The following TOMM20L variants were observed in gnomAD, a reference collection of about 807,000 sequenced individuals.
The protein encoded by TOMM20L is translocase of outer mitochondrial membrane 20 like.
Under a neutral mutation model 20.4 loss-of-function variants are expected in TOMM20L, and 19 were observed. The ratio of observed to expected loss-of-function variants is 0.93; its 90% CI spans 0.65 to 1.36. TOMM20L has a LOEUF of 1.36. TOMM20L is among the 40% of genes most tolerant of loss of function. TOMM20L has a pLI of 0.00. For missense variants in TOMM20L, 218 were observed against 203.7 expected (o/e 1.07, Z -0.43); for synonymous variants, 75 against 79.6 (o/e 0.94, Z 0.30).
intron 3 of TOMM20L, 60 bp from the exon 4 acceptor site, chr14:58,407,266 G>A: frequency 6.7e-7 from 1 of 1,498,330 alleles, no homozygotes; most frequent in South Asian, 1.3e-5. Flanking sequence ...TCTTGGATTT[G>A]TAGAATGTCT....
At chr14:58,396,861 A>C (rs1429609737) in intron 2 of TOMM20L, among the ~76,000 whole-genome samples, 1 of 152,226 alleles carries the variant, frequency 6.6e-6, no homozygotes, top group African/African-American at 2.4e-5. Context: ...TTGGGAGGCA[A>C]GGCGGGCAGA....
intron 4 of TOMM20L, 24 bp from the exon 5 acceptor site, chr14:58,408,505 G>A (rs376331147): frequency 1.1e-4 from 171 of 1,607,196 alleles, no homozygotes; most frequent in Non-Finnish European, 1.4e-4. Flanking sequence ...TGATTAGCAA[G>A]TAACTATTTT....
chr14:58,415,290 T>A, the TOMM20L span, among the ~76,000 whole-genome samples: 11 of 152,276 alleles, frequency 7.2e-5, no homozygotes, highest in South Asian at 8.3e-4. Flanking sequence ...TAACATGATA[T>A]GCAAGATGTC....
chr14:58,400,714 C>G (rs1328353341), intron 2 of TOMM20L, among the ~76,000 whole-genome samples: 1 of 151,948 alleles, frequency 6.6e-6, no homozygotes, highest in Non-Finnish European at 1.5e-5. Context: ...CCCGTCTCTA[C>G]TAAAAATACA....
chr14:58,407,223 G>A lies in TOMM20L; in HGVS notation c.263-103G>A, dbSNP rs2036073228. ...AGACTTGTCTAAGTAGTCTTTAGTTGGATATGCTTTTAATTTTTAATGCTT... is the reference window on the plus strand; with the variant it reads ...AGACTTGTCTAAGTAGTCTTTAGTTAGATATGCTTTTAATTTTTAATGCTT... On this transcript the variant is annotated intron_variant, in intron 3 of 4. Transcript: ENST00000360945. The A allele has an allele frequency of 5.3e-6, 6 of 1,132,556 alleles. No homozygotes were observed. In the Admixed American group the frequency reaches 1.2e-4, roughly 23 times the overall value. 70.2% of individuals were successfully genotyped at this position (1,132,556 alleles called of 1,614,324 possible). A position where few individuals can be genotyped will look rare whatever the true frequency, so the allele number is the denominator to read the frequency against.
At position 58,407,397 on chromosome 14, in the gene TOMM20L, A is replaced by G. The variant is rs1325441076; in HGVS notation, c.334A>G (p.Lys112Glu). The G allele has an allele frequency of 2.5e-6, 4 of 1,613,712 alleles. No individual in the cohort carries two copies. The highest frequency in any genetic ancestry group is 3.4e-6 in the Non-Finnish European group (4 of 1,179,892). The change falls in exon 4 of 5, where the codon AAA becomes GAA. Residue 112 changes from lysine to glutamate, a missense_variant. Transcript: ENST00000360945. ...LVCEQPRELL[K>E]VFKHTLPPKV... ...GTGCGAGCAACCACGGGAACTTCTG[A>G]AAGTTTTCAAACACACTCTCCCTCC...
At chr14:58,399,165 A>G (rs1192029655) in intron 2 of TOMM20L, among the ~76,000 whole-genome samples, 1 of 152,192 alleles carries the variant, frequency 6.6e-6, no homozygotes, top group African/African-American at 2.4e-5. Flanking sequence ...GGATTACACG[A>G]GGGAGCCACT....
intron 2 of TOMM20L, among the ~76,000 whole-genome samples, chr14:58,399,929 T>TATATATATA (rs2035972935): frequency 4.6e-5 from 6 of 131,868 alleles, no homozygotes; most frequent in Admixed American, 7.7e-5. Context: ...TATATATATA[T>TATATATATA]TCCACTTGTC....
the TOMM20L span, among the ~76,000 whole-genome samples, chr14:58,416,894 G>A: frequency 6.6e-6 from 1 of 152,146 alleles, no homozygotes; most frequent in African/African-American, 2.4e-5. Flanking sequence ...AATTCCTTGG[G>A]CTCTGGAGTT....
At chr14:58,398,969 C>G (rs193268383) in intron 2 of TOMM20L, 137 of 152,226 alleles carry the variant, frequency 9.0e-4, no homozygotes, top group African/African-American at 3.0e-3. Flanking sequence ...TCACTGCAGC[C>G]TCAACCCTTT....
intron 2 of TOMM20L, among the ~76,000 whole-genome samples, chr14:58,398,180 A>G (rs1190322634): frequency 6.6e-6 from 1 of 152,168 alleles, no homozygotes; most frequent in African/African-American, 2.4e-5. Flanking sequence ...GTCATTGTCC[A>G]TGGTTTCACT....
chr14:58,396,346 A>T lies in TOMM20L; in HGVS notation c.180+5A>T. ...GCTGAGGAGCAGGGCACGCAGGTGC[A>T]GTGCTTTCGATCCGCACAGGTAGCT... On this transcript the variant is annotated splice_donor_5th_base_variant and intron_variant, in intron 2 of 4. Transcript: ENST00000360945. The T allele has an allele frequency of 6.2e-7, 1 of 1,613,198 alleles. No homozygotes were observed. Among genetic ancestry groups the T allele is most frequent in the African/African-American group, 1.3e-5 (1 of 75,036 alleles).
Position 58,402,709 on chromosome 14 carries a change from G to C in TOMM20L, c.210G>C (p.Leu70Phe). ...QLWDPTKNKK[L>F]QELFLQEVRM... ...GGGATCCAACGAAGAATAAAAAGTT[G>C]CAAGAACTTTTCTTGCAAGAGGTAC... Residue 70 changes from leucine (L) to phenylalanine (F), a missense_variant, in exon 3 of 5, where the codon TTG (leucine) becomes TTC (phenylalanine). By Grantham distance (22) the Leu-to-Phe change is conservative (BLOSUM62 0). Coordinates refer to ENST00000360945, the MANE Select transcript of TOMM20L (RefSeq NM_207377.3). 5 of 1,613,680 alleles carry C rather than the reference G, an allele frequency of 3.1e-6. No individual in the cohort carries two copies. Among genetic ancestry groups the C allele is most frequent in the Non-Finnish European group, 4.2e-6 (5 of 1,179,714 alleles).
chr14:58,402,204 G>A (rs578175078), intron 2 of TOMM20L, among the ~76,000 whole-genome samples: 1 of 152,058 alleles, frequency 6.6e-6, no homozygotes, highest in South Asian at 2.1e-4. Flanking sequence ...TCCCATTTTA[G>A]AAAATTGGTT....
At chr14:58,412,423 A>T (rs1046688237), downstream of TOMM20L, among the ~76,000 whole-genome samples, 1 of 152,230 alleles carries the variant, frequency 6.6e-6, no homozygotes, top group Admixed American at 6.5e-5. Flanking sequence ...TACAGGCGTT[A>T]GCCGCCGTGC....
downstream of TOMM20L, among the ~76,000 whole-genome samples, chr14:58,413,306 G>A (rs772345996): frequency 1.1e-4 from 16 of 152,160 alleles, no homozygotes; most frequent in Non-Finnish European, 1.9e-4. Context: ...ATTTAACTCT[G>A]ACCCTTACTA....
At chr14:58,408,461 A>G in intron 4 of TOMM20L, 68 bp from the exon 5 acceptor site, 1 of 1,424,482 alleles carries the variant, frequency 7.0e-7, no homozygotes, top group Non-Finnish European at 9.8e-7. Flanking sequence ...CCACCCTGAC[A>G]CAAGGGAGGC....
downstream of TOMM20L, among the ~76,000 whole-genome samples, chr14:58,409,389 A>T (rs956278492): frequency 2.0e-5 from 3 of 152,190 alleles, no homozygotes; most frequent in African/African-American, 7.2e-5. Context: ...GTAGTCACTA[A>T]GAGCAATGAT....
intron 2 of TOMM20L, among the ~76,000 whole-genome samples, chr14:58,396,663 C>T (rs986962641): frequency 6.6e-6 from 1 of 152,250 alleles, no homozygotes; most frequent in Non-Finnish European, 1.5e-5. Flanking sequence ...CACTTAAAAA[C>T]CCAGGCTGGC....
Sources: gnomAD v4.1 joint callset for allele counts (sites outside exome capture counted in the v4.1 genomes callset) on GRCh38, gnomAD v4.1.1 for gene constraint, MANE v1.5 for transcripts, NCBI Gene and HGNC (gene_info 2026-07-23, HGNC 2026-07-21) for gene names.